ZNF385D: variants seen among roughly 807,000 people sequenced by gnomAD.
ZNF385D encodes zinc finger protein 385D, also known as zinc finger protein 659.
A neutral mutation model predicts 35.8 loss-of-function variants in ZNF385D; 15 were observed. The ratio of observed to expected loss-of-function variants is 0.42; its 90% confidence interval spans 0.28 to 0.64. The LOEUF is 0.64. ZNF385D is among the 30% of genes least tolerant of loss of function. ZNF385D has a pLI of 0.23. For missense variants in ZNF385D, 474 were observed against 494.6 expected (o/e 0.96, Z 0.39); for synonymous variants, 212 against 186.8 (o/e 1.13, Z -1.10).
intron 3 of ZNF385D, among the ~76,000 whole-genome samples, chr3:21,875,695 C>G (rs1697927135): frequency 6.6e-6 from 1 of 152,168 alleles, no homozygotes; most frequent in African/African-American, 2.4e-5. Flanking sequence ...CAGCTCAAAC[C>G]CAGGCCAGCC....
At chr3:22,037,484 G>A (rs1395811249) in intron 3 of ZNF385D, among the ~76,000 whole-genome samples, 2 of 151,952 alleles carry the variant, frequency 1.3e-5, no homozygotes, top group African/African-American at 2.4e-5. Context: ...ATTTTTTCAC[G>A]TGTCTGTTGG....
intron 3 of ZNF385D, among the ~76,000 whole-genome samples, chr3:22,082,297 C>A (rs954530585): frequency 3.3e-5 from 5 of 152,080 alleles, no homozygotes; most frequent in African/African-American, 4.8e-5. Context: ...CCTTTCCTAG[C>A]CAAGGGAAGC....
intron 3 of ZNF385D, among the ~76,000 whole-genome samples, chr3:21,832,337 G>A (rs1449731901): frequency 6.6e-6 from 1 of 152,120 alleles, no homozygotes; most frequent in African/African-American, 2.4e-5. Flanking sequence ...TTATTTGTTA[G>A]ACTCATTCAC....
At chr3:21,704,161 C>A (rs939556769) in intron 1 of ZNF385D, among the ~76,000 whole-genome samples, 4 of 152,178 alleles carry the variant, frequency 2.6e-5, no homozygotes, top group African/African-American at 9.6e-5. Flanking sequence ...CATGTAAGCT[C>A]CCTGAAACTG....
At chr3:21,497,943 G>T (rs1706041265) in intron 4 of ZNF385D, among the ~76,000 whole-genome samples, 1 of 152,058 alleles carries the variant, frequency 6.6e-6, no homozygotes, top group African/African-American at 2.4e-5. Flanking sequence ...GAACAAAGCT[G>T]GCGGTATCAC....
chr3:21,490,383 A>C (rs1705340831), intron 4 of ZNF385D, among the ~76,000 whole-genome samples: 1 of 152,134 alleles, frequency 6.6e-6, no homozygotes, highest in East Asian at 1.9e-4. Context: ...TCAAATAAAA[A>C]ATATCATGAT....
intron 1 of ZNF385D, among the ~76,000 whole-genome samples, chr3:21,739,152 G>A (rs2069386129): frequency 6.6e-6 from 1 of 152,306 alleles, no homozygotes; most frequent in East Asian, 1.9e-4. Flanking sequence ...CCATCCAACT[G>A]AGCAAGGGGA....
At chr3:21,760,819 G>A (rs983231971) in intron 3 of ZNF385D, among the ~76,000 whole-genome samples, 4 of 152,042 alleles carry the variant, frequency 2.6e-5, no homozygotes, top group Admixed American at 6.5e-5. Flanking sequence ...TGGTAGTATT[G>A]GTCCTCTCTG....
intron 3 of ZNF385D, among the ~76,000 whole-genome samples, chr3:21,851,857 A>G (rs761578265): frequency 6.6e-6 from 1 of 151,980 alleles, no homozygotes; most frequent in Non-Finnish European, 1.5e-5. Context: ...TTTTTCAAGC[A>G]TAAGAAATTC....
At chr3:22,094,385 G>GAGATATATATATATATATAT (rs1491256865) in intron 3 of ZNF385D, among the ~76,000 whole-genome samples, 1,204 of 70,308 alleles carry the variant, frequency 0.017, 9 homozygotes, top group Non-Finnish European at 0.03. Context: ...ATTTATTGTT[G>GAGATATATATATATATATAT]ATATATATAT....
chr3:22,349,710 C>G (rs1022281238), intron 2 of ZNF385D, among the ~76,000 whole-genome samples: 1 of 152,114 alleles, frequency 6.6e-6, no homozygotes, highest in South Asian at 2.1e-4. Context: ...CATAAATCAA[C>G]AGGACACATG....
intron 4 of ZNF385D, among the ~76,000 whole-genome samples, chr3:21,445,363 T>G (rs376587): frequency 0.66 from 99,907 of 151,838 alleles, 33,125 homozygotes; most frequent in African/African-American, 0.72. Context: ...GTGGCTTGAC[T>G]TAAGCTCGCC....
At chr3:21,949,069 G>C (rs555395013) in intron 3 of ZNF385D, among the ~76,000 whole-genome samples, 1 of 151,922 alleles carries the variant, frequency 6.6e-6, no homozygotes, top group African/African-American at 2.4e-5. Flanking sequence ...CATGTATTTA[G>C]TTACTAGTGA....
chr3:21,593,656 A>T (rs1180066052), intron 2 of ZNF385D, among the ~76,000 whole-genome samples: 1 of 152,130 alleles, frequency 6.6e-6, no homozygotes, highest in Admixed American at 6.6e-5. Context: ...AATGCATTTT[A>T]AAAACATGAA....
chr3:21,961,650 C>A (rs1347462242), intron 3 of ZNF385D: 1 of 152,068 alleles, frequency 6.6e-6, no homozygotes, highest in African/African-American at 2.4e-5. Flanking sequence ...TTGATTGTTA[C>A]ATTTCAATTG....
At chr3:21,583,343 C>T (rs1201770754) in intron 2 of ZNF385D, among the ~76,000 whole-genome samples, 1 of 152,178 alleles carries the variant, frequency 6.6e-6, no homozygotes, top group African/African-American at 2.4e-5. Flanking sequence ...ATTTCCCATG[C>T]ACTTCAAGAC....
intron 3 of ZNF385D, among the ~76,000 whole-genome samples, chr3:21,915,260 C>A (rs1436143051): frequency 2.0e-5 from 3 of 152,026 alleles, no homozygotes; most frequent in Admixed American, 2.0e-4. Context: ...CTGTATACTA[C>A]AGAACTGCTG....
chr3:22,290,658 G>A (rs555600239), intron 2 of ZNF385D, among the ~76,000 whole-genome samples: 2 of 152,190 alleles, frequency 1.3e-5, no homozygotes, highest in Admixed American at 1.3e-4. Flanking sequence ...TCTTGGTCTG[G>A]CTCAATGTCT....
At chr3:21,822,788 C>T (rs1694349452) in intron 3 of ZNF385D, among the ~76,000 whole-genome samples, 1 of 151,554 alleles carries the variant, frequency 6.6e-6, no homozygotes, top group Admixed American at 6.6e-5. Flanking sequence ...ATAAATAAAT[C>T]TCGAAAACAA....
Sources: allele counts gnomAD v4.1 joint callset (sites outside exome capture counted in the v4.1 genomes callset), GRCh38; gene constraint gnomAD v4.1.1; transcripts MANE v1.5; gene names NCBI Gene and HGNC (gene_info 2026-07-23, HGNC 2026-07-21).